The following MYO1B variants were observed in gnomAD, a reference collection of about 807,000 sequenced individuals.
MYO1B encodes the protein myosin IB, also known as unconventional myosin-Ib.
MYO1B carries 72 observed loss-of-function variants against 159.7 expected under a neutral mutation model. The observed-to-expected ratio is 0.45, with a 90% CI of 0.37 to 0.55. The LOEUF is 0.55. Among genes scored for constraint, MYO1B ranks in the 20% least tolerant of loss-of-function variants. MYO1B has a pLI of 0.00. For synonymous variants in MYO1B, 468 were observed against 473.8 expected (o/e 0.99, Z 0.16); for missense variants, 1,062 against 1,364.8 (o/e 0.78, Z 3.50).
At chr2:191,306,831 G>C (rs889385190) in intron 3 of MYO1B, among the ~76,000 whole-genome samples, 4 of 152,140 alleles carry the variant, frequency 2.6e-5, no homozygotes, top group African/African-American at 9.7e-5. Flanking sequence ...ACCTAGAAAA[G>C]CATGGCTCCA....
At chr2:191,275,761 A>G (rs991107700) in intron 1 of MYO1B, among the ~76,000 whole-genome samples, 1 of 152,274 alleles carries the variant, frequency 6.6e-6, no homozygotes, top group African/African-American at 2.4e-5. Flanking sequence ...TGGCTTCTAC[A>G]TTAGAAACAT....
At chr2:191,266,242 G>C (rs11688994) in intron 1 of MYO1B, among the ~76,000 whole-genome samples, 1 of 152,118 alleles carries the variant, frequency 6.6e-6, no homozygotes, top group Admixed American at 6.5e-5. Context: ...AAGCTCTTCA[G>C]GGTGAGAAGA....
At chr2:191,279,329 T>C (rs933495868) in intron 2 of MYO1B, among the ~76,000 whole-genome samples, 1 of 152,178 alleles carries the variant, frequency 6.6e-6, no homozygotes, top group African/African-American at 2.4e-5. Context: ...TATGATCCTT[T>C]TGTAAAAGAT....
intron 1 of MYO1B, among the ~76,000 whole-genome samples, chr2:191,268,903 G>T (rs1559128677): frequency 6.6e-6 from 1 of 152,234 alleles, no homozygotes. Flanking sequence ...GCATCTTTGT[G>T]TGTGTGTAAG....
chr2:191,291,622 G>A (rs959578298), intron 2 of MYO1B, among the ~76,000 whole-genome samples: 3 of 152,186 alleles, frequency 2.0e-5, no homozygotes, highest in South Asian at 2.1e-4. Flanking sequence ...GTTCAGAAAC[G>A]TGGAGGGGTG....
chr2:191,322,887 C>G (rs1394718167), intron 3 of MYO1B, among the ~76,000 whole-genome samples: 1 of 152,068 alleles, frequency 6.6e-6, no homozygotes, highest in Non-Finnish European at 1.5e-5. Flanking sequence ...ATTAGAGAAT[C>G]AGAGGAACAA....
chr2:191,310,982 T>C (rs1689968457), intron 3 of MYO1B, among the ~76,000 whole-genome samples: 1 of 152,208 alleles, frequency 6.6e-6, no homozygotes, highest in Non-Finnish European at 1.5e-5. Flanking sequence ...TGAGTCACAA[T>C]GTAATTTAGG....
At chr2:191,284,096 T>G (rs1163060766) in intron 2 of MYO1B, among the ~76,000 whole-genome samples, 2 of 152,206 alleles carry the variant, frequency 1.3e-5, no homozygotes, top group African/African-American at 2.4e-5. Context: ...GGAAAGTATA[T>G]TTCATCATGT....
At chr2:191,389,345 A>ATGAATGTTT (rs1695600223) in intron 17 of MYO1B, among the ~76,000 whole-genome samples, 1 of 152,246 alleles carries the variant, frequency 6.6e-6, no homozygotes, top group Admixed American at 6.5e-5. Context: ...AGTATGATCC[A>ATGAATGTTT]AAGCTAGCAA....
At position 191,370,254 on chromosome 2, in the gene MYO1B, A is replaced by G. The variant is rs1220923332; in HGVS notation, c.1147A>G (p.Met383Val). The change falls in exon 13 of 31, where the codon ATG (methionine) becomes GTG (valine). Residue 383 changes from methionine (M) to valine (V), a missense_variant. Around this residue, in one of 5 missense-constraint regions of MYO1B, gnomAD observed 415 missense variants for 544.0 expected, o/e 0.76. Transcript: ENST00000392318. The part of the protein sequence containing the change: ...KAQTKVRKKV[M>V]GVLDIYGFEI... ...ACAAACAAAAGTGAGAAAGAAGGTC[A>G]TGGGTGTTCTGGACATTTATGGCTT... is the stretch of plus-strand genomic sequence containing the variant. 1 of 1,613,398 alleles carries G rather than the reference A, an allele frequency of 6.2e-7. No individual in the cohort carries two copies. Among genetic ancestry groups the G allele is most frequent in the Non-Finnish European group, 8.5e-7 (1 of 1,179,704 alleles).
rs568200599 is a variant in MYO1B, at chr2:191,269,790, C to T, written c.-9-7097C>T. On this transcript the variant is annotated intron_variant, in intron 1 of 30. Transcript: ENST00000392318. ...AGAAGTGAGCTTAATCAAGGTGATA[C>T]AGTCAGTGAGACAGATTGGATATGT... Among the ~76,000 whole-genome samples, 136 of 152,184 alleles carry T rather than the reference C, an allele frequency of 8.9e-4. 1 individual carries two copies. The South Asian group carries it at 0.027, about 30-fold the overall frequency.
chr2:191,280,873 T>C (rs941047108), intron 2 of MYO1B, among the ~76,000 whole-genome samples: 2 of 152,204 alleles, frequency 1.3e-5, no homozygotes, highest in African/African-American at 4.8e-5. Flanking sequence ...GATGTGTCCA[T>C]GGGAAGAATT....
intron 4 of MYO1B, among the ~76,000 whole-genome samples, chr2:191,335,707 A>G (rs1691784962): frequency 6.6e-6 from 1 of 152,194 alleles, no homozygotes; most frequent in Non-Finnish European, 1.5e-5. Context: ...ATCTCCTTTC[A>G]ATAAAAGTCT....
intron 3 of MYO1B, among the ~76,000 whole-genome samples, chr2:191,318,249 A>G (rs1167788033): frequency 6.6e-6 from 1 of 152,204 alleles, no homozygotes; most frequent in East Asian, 1.9e-4. Flanking sequence ...GAGCCAGGAA[A>G]AACAGCAGGG....
At position 191,397,495 on chromosome 2, in the gene MYO1B, G is replaced by A. The variant is rs1696191766; in HGVS notation, c.2295+998G>A. Among the ~76,000 whole-genome samples, 3 of 152,090 alleles carry A rather than the reference G, an allele frequency of 2.0e-5. 1 individual carries two copies. In the South Asian group the frequency reaches 6.2e-4, roughly 32 times the overall value. ...GTGGACACAGCACACGTTTCAGAGA[G>A]CACAGGGTTAGGGATAAGGTCACAG... On this transcript the variant is annotated intron_variant, in intron 21 of 30. Coordinates refer to ENST00000392318, the MANE Select transcript of MYO1B (RefSeq NM_001130158.3).
In MYO1B at chr2:191,329,772, G is replaced by A. The variant is rs571377347; in HGVS notation, c.252-163G>A. On this transcript the variant is annotated intron_variant, in intron 3 of 30. Transcript: ENST00000392318. ...GAAGGTAACGTGTCACAATGGATGG[G>A]TTTATTTATTTATGGATTTTAAGAA... Among the ~76,000 whole-genome samples, 17 of 151,812 alleles carry A rather than the reference G, an allele frequency of 1.1e-4. No individual in the cohort carries two copies. In the South Asian group the frequency reaches 3.5e-3, roughly 32 times the overall value.
intron 2 of MYO1B, among the ~76,000 whole-genome samples, chr2:191,292,663 A>G (rs978384463): frequency 2.7e-5 from 4 of 149,718 alleles, no homozygotes; most frequent in Non-Finnish European, 4.4e-5. Context: ...TTCGACCCCC[A>G]CTTCCCATCA....
intron 11 of MYO1B, among the ~76,000 whole-genome samples, chr2:191,367,578 G>A (rs902320535): frequency 1.8e-4 from 28 of 152,062 alleles, no homozygotes; most frequent in Non-Finnish European, 3.7e-4. Flanking sequence ...AAAATATAAA[G>A]CAATTTATCA....
Position 191,390,456 on chromosome 2 carries a change from G to T in MYO1B, c.1946G>T (p.Cys649Phe). ...EPCLERYKML[C>F]KQTWPHWKGP... ...TGCCTAGAAAGATACAAAATGCTTT[G>T]TAAACAAACATGGCCTCATTGGAAA... Residue 649 changes from cysteine (C) to phenylalanine (F), a missense_variant, in exon 18 of 31, where the codon TGT becomes TTT. Physicochemically the swap from Cys to Phe is radical, Grantham distance 205. Transcript: ENST00000392318. 1 of 1,614,150 alleles carries T rather than the reference G, an allele frequency of 6.2e-7. No individual in the cohort carries two copies. Among genetic ancestry groups the T allele is most frequent in the Non-Finnish European group, 8.5e-7 (1 of 1,180,004 alleles).
Sources: allele counts gnomAD v4.1 joint callset (sites outside exome capture counted in the v4.1 genomes callset), GRCh38; gene constraint gnomAD v4.1.1; regional missense constraint gnomAD v4.1.1; transcripts MANE v1.5; gene names NCBI Gene and HGNC (gene_info 2026-07-23, HGNC 2026-07-21).